C12orf76: variants seen among roughly 807,000 people sequenced by gnomAD.
The protein encoded by C12orf76 is chromosome 12 open reading frame 76.
In C12orf76, 6 loss-of-function variants were observed where a neutral mutation model predicts 6.8. The ratio of observed to expected loss-of-function variants is 0.88; its 90% confidence interval spans 0.48 to 1.73. The LOEUF is 1.73. Among genes scored for constraint, C12orf76 ranks in the 40% most tolerant of loss-of-function variants. C12orf76 has a pLI of 0.01. For synonymous variants in C12orf76, 56 were observed against 43.7 expected (o/e 1.28, Z -1.11); for missense variants, 99 against 98.2 (o/e 1.01, Z -0.03).
intron 2 of C12orf76, among the ~76,000 whole-genome samples, chr12:110,059,813 A>C (rs1892739721): frequency 6.6e-6 from 1 of 152,178 alleles, no homozygotes; most frequent in African/African-American, 2.4e-5. Flanking sequence ...GGAGAGACAT[A>C]GTAGCAGTGT....
exon 2 of C12orf76, chr12:110,065,950 C>A: frequency 6.2e-7 from 1 of 1,613,726 alleles, no homozygotes; most frequent in Non-Finnish European, 8.5e-7. Context: ...TATCACGTGG[C>A]TGGATTCTTC....
At chr12:110,051,282 T>C (rs1323386982), upstream of C12orf76, 1 of 715,918 alleles carries the variant, frequency 1.4e-6, no homozygotes, top group East Asian at 2.6e-5. Context: ...TGCTTCCGTG[T>C]GACTCGTTTT....
intron 1 of C12orf76, among the ~76,000 whole-genome samples, chr12:110,043,213 C>CA (rs1287519770): frequency 6.6e-6 from 1 of 152,008 alleles, no homozygotes; most frequent in Admixed American, 6.5e-5. Context: ...GGCAACCAGG[C>CA]AAGGAGTGCA....
intron 3 of C12orf76, chr12:110,057,328 G>A: frequency 6.8e-7 from 1 of 1,466,362 alleles, no homozygotes; most frequent in South Asian, 1.2e-5. Flanking sequence ...AACACCAAAG[G>A]GCTGAGCCTC....
chr12:110,042,450 C>T lies in C12orf76; in HGVS notation c.143G>A (p.Gly48Glu). ...CACCAGCAGGATGCTGAAAATGGTT[C>T]CCATCAACACTGCAAAGGGAAAACA... Reference protein sequence around the residue: ...VLRGQNLVLMGTIFSILLVTV... With the variant: ...VLRGQNLVLMETIFSILLVTV... Residue 48 changes from glycine to glutamate, a missense_variant, in exon 2 of 2, where the codon GGA (glycine) becomes GAA (glutamate). Coordinates refer to ENST00000615315, the MANE Select transcript of C12orf76 (RefSeq NM_001389625.1). 4 of 1,611,650 alleles carry T rather than the reference C, an allele frequency of 2.5e-6. No homozygotes were observed. Among genetic ancestry groups the T allele is most frequent in the Non-Finnish European group, 3.4e-6 (4 of 1,177,728 alleles).
At chr12:110,054,261 G>T (rs1426082327), upstream of C12orf76, among the ~76,000 whole-genome samples, 2 of 152,148 alleles carry the variant, frequency 1.3e-5, no homozygotes, top group Non-Finnish European at 2.9e-5. This position sits in a 1 kb window ranked among gnomAD's most constrained non-coding sequence, Gnocchi z 4.4. Context: ...ACCTATTCAT[G>T]AATGTGCATA....
At chr12:110,046,381 G>A (rs991005208) in intron 1 of C12orf76, among the ~76,000 whole-genome samples, 7 of 152,156 alleles carry the variant, frequency 4.6e-5, no homozygotes, top group African/African-American at 1.2e-4. Context: ...AGCTGAGACC[G>A]CACCACTGCA....
chr12:110,057,208 T>C (rs377254689), exon 4 of C12orf76: 2 of 1,613,544 alleles, frequency 1.2e-6, no homozygotes, highest in South Asian at 2.2e-5. Context: ...GCAGGTAGGA[T>C]GGGCCCCATG....
At chr12:110,055,148 G>C (rs1322818764) in intron 4 of C12orf76, among the ~76,000 whole-genome samples, 1 of 151,632 alleles carries the variant, frequency 6.6e-6, no homozygotes, top group Non-Finnish European at 1.5e-5. Flanking sequence ...AGATTGTCAA[G>C]AAAGATGTTG....
intron 1 of C12orf76, chr12:110,066,095 G>T (rs1209631817): frequency 4.2e-6 from 6 of 1,438,422 alleles, no homozygotes; most frequent in Non-Finnish European, 5.5e-6. Flanking sequence ...CCCGAAGATG[G>T]TCAGGGGCAG....
At chr12:110,042,691 A>C in intron 1 of C12orf76, 1 of 664,342 alleles carries the variant, frequency 1.5e-6, no homozygotes, top group Admixed American at 2.3e-5. Context: ...AAAAACAGTA[A>C]CATGCTAGGG....
Position 110,048,349 on chromosome 12 carries a change from C to T in C12orf76, c.133+14G>A, listed in dbSNP as rs1436437804. On this transcript the variant is annotated intron_variant, in intron 1 of 1. Transcript: ENST00000615315. ...AGGCACTACCCGCCGCCCGCCAGCCCGAGGGCCGCTCACCCAGGTTCTGCC... is the reference window on the plus strand; with the variant it reads ...AGGCACTACCCGCCGCCCGCCAGCCTGAGGGCCGCTCACCCAGGTTCTGCC... 1 of 1,494,338 alleles carries T rather than the reference C, an allele frequency of 6.7e-7. No homozygotes were observed. Among genetic ancestry groups the T allele is most frequent in the East Asian group, 2.6e-5 (1 of 37,776 alleles). 92.6% of individuals were successfully genotyped at this position (1,494,338 alleles called of 1,614,324 possible). A position where few individuals can be genotyped will look rare whatever the true frequency, so the allele number is the denominator to read the frequency against.
At chr12:110,058,228 C>G (rs1337206773) in intron 3 of C12orf76, among the ~76,000 whole-genome samples, 1 of 152,070 alleles carries the variant, frequency 6.6e-6, no homozygotes, top group Non-Finnish European at 1.5e-5. Flanking sequence ...AGGCTGCAGG[C>G]TGTTTTGTAA....
At chr12:110,063,713 C>T (rs1287213997) in intron 2 of C12orf76, among the ~76,000 whole-genome samples, 2 of 151,030 alleles carry the variant, frequency 1.3e-5, no homozygotes, top group Non-Finnish European at 2.9e-5. Flanking sequence ...CTGCAATGCC[C>T]GCCTCCCAGG....
upstream of C12orf76, among the ~76,000 whole-genome samples, chr12:110,054,068 C>G: frequency 6.6e-6 from 1 of 151,262 alleles, no homozygotes; most frequent in East Asian, 1.9e-4. This position sits in a 1 kb window ranked among gnomAD's most constrained non-coding sequence, Gnocchi z 4.4. Flanking sequence ...GAGCAAGACC[C>G]TGTCTCAAAA....
intron 1 of C12orf76, chr12:110,073,286 G>A (rs530639092): frequency 9.3e-6 from 4 of 432,390 alleles, no homozygotes; most frequent in African/African-American, 4.0e-5. Context: ...CCTCCCTCCC[G>A]CCCGGTTTGC....
chr12:110,063,061 G>A (rs975719474), intron 2 of C12orf76, among the ~76,000 whole-genome samples: 10 of 150,120 alleles, frequency 6.7e-5, no homozygotes, highest in Non-Finnish European at 1.5e-4. Flanking sequence ...TGCCTCAGGC[G>A]CCTGAGTAGC....
chr12:110,068,334 G>A (rs751553765), upstream of C12orf76, among the ~76,000 whole-genome samples: 1 of 113,762 alleles, frequency 8.8e-6, no homozygotes, highest in Non-Finnish European at 2.1e-5. Context: ...AGAAGAAGGC[G>A]GCCAAATAGA....
chr12:110,069,535 C>T (rs1256924632), upstream of C12orf76, among the ~76,000 whole-genome samples: 1 of 152,228 alleles, frequency 6.6e-6, no homozygotes, highest in Non-Finnish European at 1.5e-5. Context: ...CTCCTTCTTC[C>T]CAGTGGGTCC....
Sources: gnomAD v4.1 joint callset for allele counts (sites outside exome capture counted in the v4.1 genomes callset) on GRCh38, gnomAD v4.1.1 for gene constraint, Gnocchi (gnomAD v3.1) non-coding constraint, MANE v1.5 for transcripts, NCBI Gene and HGNC (gene_info 2026-07-23, HGNC 2026-07-21) for gene names.